The following NXPE4 variants were observed in gnomAD, a reference collection of about 807,000 sequenced individuals.
NXPE4 encodes NXPE family member 4.
In NXPE4, 42 loss-of-function variants were observed where a neutral mutation model predicts 33.3. That is an observed-to-expected ratio of 1.26 (90% CI 0.98 to 1.63). The LOEUF (loss-of-function observed/expected upper bound fraction) is 1.63, where lower values mean the gene tolerates loss of function less well. Among genes scored for constraint, NXPE4 ranks in the 40% most tolerant of loss-of-function variants. NXPE4 has a pLI of 0.00. For missense variants in NXPE4, 709 were observed against 647.6 expected (o/e 1.09, Z -1.03); for synonymous variants, 253 against 234.9 (o/e 1.08, Z -0.71).
At chr11:114,624,084 C>T in the NXPE4 span, among the ~76,000 whole-genome samples, 1 of 151,696 alleles carries the variant, frequency 6.6e-6, no homozygotes, top group East Asian at 1.9e-4. Flanking sequence ...ACCAGTGTTA[C>T]CCTCTGGATA....
upstream of NXPE4, among the ~76,000 whole-genome samples, chr11:114,597,016 T>A (rs901016516): frequency 1.3e-5 from 2 of 152,312 alleles, no homozygotes; most frequent in East Asian, 3.9e-4. Flanking sequence ...ATAGTGTATA[T>A]GTATAACAAC....
the NXPE4 span, among the ~76,000 whole-genome samples, chr11:114,604,780 G>C: frequency 6.6e-6 from 1 of 152,042 alleles, no homozygotes; most frequent in Non-Finnish European, 1.5e-5. Context: ...TTACCCAGTG[G>C]ATAATAAGTG....
chr11:114,649,131 GT>G, the NXPE4 span, among the ~76,000 whole-genome samples: 201 of 145,012 alleles, frequency 1.4e-3, no homozygotes, highest in South Asian at 2.2e-3. Context: ...AGCTTGTCAT[GT>G]TTTTTTTTTT....
chr11:114,637,390 A>C, the NXPE4 span, among the ~76,000 whole-genome samples: 1 of 152,050 alleles, frequency 6.6e-6, no homozygotes, highest in South Asian at 2.1e-4. Flanking sequence ...TGAATACAGC[A>C]CACTAATGGG....
the NXPE4 span, among the ~76,000 whole-genome samples, chr11:114,629,945 C>T: frequency 6.7e-6 from 1 of 149,872 alleles, no homozygotes; most frequent in East Asian, 1.9e-4. Context: ...AATAAAATAC[C>T]TAGGAATCCA....
the NXPE4 span, among the ~76,000 whole-genome samples, chr11:114,604,597 C>G: frequency 1.3e-5 from 2 of 151,668 alleles, no homozygotes; most frequent in Admixed American, 6.6e-5. Context: ...CATGGGTAAC[C>G]ACCATTACCC....
chr11:114,582,285 T>C lies in NXPE4; in HGVS notation c.830+3A>G. On this transcript the variant is annotated splice_donor_region_variant and intron_variant, in intron 3 of 5. Coordinates refer to ENST00000375478, the MANE Select transcript of NXPE4 (RefSeq NM_001077639.2). ...GGTAGTCTCAAGAAGTAATTATTTT[T>C]ACCTTTCAAAGAGGCTCTTTTCTTG... 1 of 1,556,528 alleles carries C rather than the reference T, an allele frequency of 6.4e-7. No individual in the cohort carries two copies. The highest frequency in any genetic ancestry group is 1.2e-5 in the South Asian group (1 of 80,446).
chr11:114,617,814 G>A, the NXPE4 span, among the ~76,000 whole-genome samples: 50 of 152,064 alleles, frequency 3.3e-4, no homozygotes, highest in African/African-American at 1.2e-3. Context: ...TGGATAATAA[G>A]TGTTGCCTCA....
At chr11:114,594,087 A>T (rs1286628710) in intron 2 of NXPE4, among the ~76,000 whole-genome samples, 2 of 152,112 alleles carry the variant, frequency 1.3e-5, no homozygotes, top group Non-Finnish European at 2.9e-5. Flanking sequence ...ATATGATTAG[A>T]CAGAATGAAT....
chr11:114,578,810 C>G, intron 5 of NXPE4, among the ~76,000 whole-genome samples: 1 of 152,138 alleles, frequency 6.6e-6, no homozygotes, highest in Non-Finnish European at 1.5e-5. Flanking sequence ...GTAAATAGAG[C>G]AACTGAACTA....
At chr11:114,629,653 G>A in the NXPE4 span, among the ~76,000 whole-genome samples, 1 of 152,042 alleles carries the variant, frequency 6.6e-6, no homozygotes, top group African/African-American at 2.4e-5. Context: ...TCATCAGAGT[G>A]TTGGAAGTTC....
At chr11:114,649,074 A>T in the NXPE4 span, among the ~76,000 whole-genome samples, 1 of 152,046 alleles carries the variant, frequency 6.6e-6, no homozygotes, top group Non-Finnish European at 1.5e-5. Flanking sequence ...ACTGATATTT[A>T]TCCTCCACTA....
chr11:114,580,394 T>A, intron 4 of NXPE4, 56 bp from the exon 5 acceptor site: 1 of 1,490,358 alleles, frequency 6.7e-7, no homozygotes. Flanking sequence ...CCCGTCAGTA[T>A]GTATTAAGAG....
At chr11:114,610,168 C>T in the NXPE4 span, among the ~76,000 whole-genome samples, 1 of 151,810 alleles carries the variant, frequency 6.6e-6, no homozygotes, top group African/African-American at 2.4e-5. Flanking sequence ...CCACTGTTAC[C>T]TGGTGGATAA....
At chr11:114,580,036 G>GA (rs1203500739) in intron 5 of NXPE4, 96 bp downstream of exon 5, 4 of 1,096,584 alleles carry the variant, frequency 3.6e-6, no homozygotes, top group Admixed American at 3.9e-5. Context: ...TGAAGAATAT[G>GA]AAAAAAAGAG....
At chr11:114,644,460 AT>A in the NXPE4 span, among the ~76,000 whole-genome samples, 1 of 152,224 alleles carries the variant, frequency 6.6e-6, no homozygotes, top group East Asian at 1.9e-4. Flanking sequence ...AGTTTTTAGC[AT>A]AAAGGAGTGT....
chr11:114,597,097 G>A (rs1357868299), upstream of NXPE4, among the ~76,000 whole-genome samples: 1 of 103,602 alleles, frequency 9.7e-6, no homozygotes, highest in Non-Finnish European at 2.0e-5. Flanking sequence ...GTGTGAATTG[G>A]GATAATATTA....
the NXPE4 span, among the ~76,000 whole-genome samples, chr11:114,635,543 A>G: frequency 2.0e-5 from 3 of 152,008 alleles, no homozygotes; most frequent in African/African-American, 7.3e-5. Flanking sequence ...GTCTTGTGCC[A>G]GTTTTCAAAG....
chr11:114,626,433 C>A, the NXPE4 span, among the ~76,000 whole-genome samples: 4 of 151,890 alleles, frequency 2.6e-5, no homozygotes, highest in African/African-American at 9.6e-5. Flanking sequence ...CCTCACGTGG[C>A]CGGGTACTCC....
Sources: allele counts gnomAD v4.1 joint callset (sites outside exome capture counted in the v4.1 genomes callset), GRCh38; gene constraint gnomAD v4.1.1; transcripts MANE v1.5; gene names NCBI Gene and HGNC (gene_info 2026-07-23, HGNC 2026-07-21).